SETD1A: variants seen among roughly 807,000 people sequenced by gnomAD.
SETD1A encodes SET domain containing 1A, histone lysine methyltransferase.
A neutral mutation model predicts 149.9 loss-of-function variants in SETD1A; 29 were observed. The ratio of observed to expected loss-of-function variants is 0.19; its 90% CI spans 0.14 to 0.26. The LOEUF is 0.26. SETD1A is among the 10% of genes least tolerant of loss of function. SETD1A has a pLI of 1.00. For missense variants in SETD1A, 2,109 were observed against 2,353.1 expected (o/e 0.90, Z 2.15); for synonymous variants, 1,141 against 968.5 (o/e 1.18, Z -3.31).
chr16:30,973,631 G>A (rs1009267842), intron 13 of SETD1A, among the ~76,000 whole-genome samples: 1 of 152,118 alleles, frequency 6.6e-6, no homozygotes, highest in African/African-American at 2.4e-5. Context: ...TTCCAGCCTG[G>A]GCAACAGAGT....
At position 30,983,595 on chromosome 16, in the gene SETD1A, T is replaced by A; in HGVS notation, c.4813-40T>A. The A allele has an allele frequency of 6.3e-7, 1 of 1,593,942 alleles. No homozygotes were observed. Among genetic ancestry groups the A allele is most frequent in the Non-Finnish European group, 8.5e-7 (1 of 1,172,420 alleles). Reference sequence around the variant, plus strand: ...GGCAGGCGTGCTCAGGGGCAGGAAGTGGGGGACTCTTCCCTGACCATCGCA... The same window carrying A: ...GGCAGGCGTGCTCAGGGGCAGGAAGAGGGGGACTCTTCCCTGACCATCGCA... On this transcript the variant is annotated intron_variant, in intron 17 of 18. Coordinates refer to ENST00000262519, the MANE Select transcript of SETD1A (RefSeq NM_014712.3). The surrounding 1 kb of genome is among the most constrained non-coding windows in gnomAD (Gnocchi z 6.8).
In SETD1A at chr16:30,969,587, G is replaced by GT; in HGVS notation, c.2929-14dup. 1 of 1,613,240 alleles carries GT rather than the reference G, an allele frequency of 6.2e-7. No homozygotes were observed. The highest frequency in any genetic ancestry group is 8.5e-7 in the Non-Finnish European group (1 of 1,179,246). ...GTCCCCTTCCTGTTAGTCCTCATTT[G>GT]TCTTTTTTCTTAAGGATGAGGAGGA... On this transcript the variant is annotated splice_polypyrimidine_tract_variant and intron_variant, in intron 11 of 18. Coordinates refer to ENST00000262519, the MANE Select transcript of SETD1A (RefSeq NM_014712.3).
chr16:30,974,694 C>T (rs1285855957), intron 13 of SETD1A, among the ~76,000 whole-genome samples: 1 of 152,066 alleles, frequency 6.6e-6, no homozygotes, highest in African/African-American at 2.4e-5. Context: ...GAAGGGTGGA[C>T]CACTCTTGCT....
chr16:30,982,934 T>C (rs1198856482), intron 17 of SETD1A, among the ~76,000 whole-genome samples: 7 of 151,880 alleles, frequency 4.6e-5, no homozygotes, highest in African/African-American at 1.2e-4. Flanking sequence ...AGAACAAATA[T>C]ATGGTCAAGA....
In SETD1A at chr16:30,984,091, C is replaced by T; in HGVS notation, c.*68C>T. ...GGTGCCCTGAGCTCCCAGCACCCCC[C>T]CAGCCTTAGTGGGCTCAGCAGGGCC... is the stretch of plus-strand genomic sequence containing the variant. On this transcript the variant is annotated 3_prime_UTR_variant, in exon 19 of 19. Coordinates refer to ENST00000262519, the MANE Select transcript of SETD1A (RefSeq NM_014712.3). 5.5e-6 allele frequency: 8 copies of T among 1,467,430 alleles called. No individual in the cohort carries two copies. The highest frequency in any genetic ancestry group is 1.4e-5 in the African/African-American group (1 of 71,796). 90.9% of individuals were successfully genotyped at this position (1,467,430 alleles called of 1,614,324 possible).
In SETD1A at chr16:30,979,871, A is replaced by G. The variant is rs1188169233; in HGVS notation, c.4085A>G (p.Glu1362Gly). ...QQLQQQREEG[E>G]EEGEEEGEEE... ...CTGCAGCAGCAGCGGGAGGAGGGCG[A>G]AGAGGAGGGGGAGGAAGAGGGGGAG... Residue 1362 changes from glutamate to glycine, a missense_variant, in exon 14 of 19, where the codon GAA becomes GGA. Coordinates refer to ENST00000262519, the MANE Select transcript of SETD1A (RefSeq NM_014712.3). The G allele has an allele frequency of 4.6e-6, 7 of 1,537,466 alleles. No individual in the cohort carries two copies. In the Admixed American group the frequency reaches 5.9e-5, roughly 13 times the overall value.
intron 10 of SETD1A, among the ~76,000 whole-genome samples, chr16:30,968,448 A>G (rs998537575): frequency 6.0e-5 from 9 of 150,378 alleles, no homozygotes; most frequent in African/African-American, 2.0e-4. Flanking sequence ...ACACACACAT[A>G]TGTATATACA....
At position 30,971,647 on chromosome 16, in the gene SETD1A, G is replaced by A. The variant is rs1019618424; in HGVS notation, c.3286G>A (p.Val1096Met). ...CACGCCAGCACCTGTGGAGGTGCCA[G>A]TGCCGGAAAGGGTTGCAGGCTCCCC... The part of the protein sequence containing the change: ...VPTPAPVEVP[V>M]PERVAGSPVT... Residue 1096 changes from valine to methionine, a missense_variant, in exon 13 of 19, where the codon GTG becomes ATG. Coordinates refer to ENST00000262519, the MANE Select transcript of SETD1A (RefSeq NM_014712.3). 5 of 1,611,432 alleles carry A rather than the reference G, an allele frequency of 3.1e-6. No individual in the cohort carries two copies. Among genetic ancestry groups the A allele is most frequent in the Non-Finnish European group, 4.2e-6 (5 of 1,178,132 alleles).
At chr16:30,959,565 C>T (rs757410582) in intron 3 of SETD1A, among the ~76,000 whole-genome samples, 3 of 152,130 alleles carry the variant, frequency 2.0e-5, no homozygotes, top group African/African-American at 4.8e-5. Flanking sequence ...CACTATTCCC[C>T]GCCTCTCATT....
Position 30,965,636 on chromosome 16 carries a change from C to A in SETD1A, c.1755C>A (p.Ile585=). Residue 585 remains isoleucine, a synonymous_variant, in exon 8 of 19, where the codon ATC becomes ATA. Coordinates refer to ENST00000262519, the MANE Select transcript of SETD1A (RefSeq NM_014712.3). ...GCTCTTCTGGAGACGACATGGAGAT[C>A]TCCGACGACGACCGGGGTGGCTCAC... ...SPCSSGDDME[I]SDDDRGGSPP... is the part of the protein sequence containing the mutation. 2 of 1,611,628 alleles carry A rather than the reference C, an allele frequency of 1.2e-6. No homozygotes were observed. The highest frequency in any genetic ancestry group is 2.2e-5 in the South Asian group (2 of 90,924).
chr16:30,969,815 C>A, intron 12 of SETD1A, 126 bp downstream of exon 12: 1 of 753,246 alleles, frequency 1.3e-6, no homozygotes, highest in Non-Finnish European at 2.3e-6. Flanking sequence ...TCTGCAAGGG[C>A]ATCTGTTTGG....
chr16:30,971,457 C>T lies in SETD1A; in HGVS notation c.3096C>T (p.Asp1032=), dbSNP rs138529404. Residue 1032 remains aspartate, a synonymous_variant, in exon 13 of 19, where the codon GAC becomes GAT. Coordinates refer to ENST00000262519, the MANE Select transcript of SETD1A (RefSeq NM_014712.3). The stretch of plus-strand genomic sequence containing the variant: ...ATGGCGAAAATGACAGCACATCAGA[C>T]TCCGAGAGCAGCAGCTCTTCCAGCT... The part of the protein sequence containing the change: ...DSDGENDSTS[D]SESSSSSSSS... 6.2e-7 allele frequency: 1 copy of T among 1,613,872 alleles called. No homozygotes were observed. The highest frequency in any genetic ancestry group is 1.3e-5 in the African/African-American group (1 of 74,926).
At position 30,966,238 on chromosome 16, in the gene SETD1A, C is replaced by T. The variant is rs370229451; in HGVS notation, c.2357C>T (p.Pro786Leu). The T allele has an allele frequency of 2.0e-5, 32 of 1,613,596 alleles. No homozygotes were observed. The highest frequency in any genetic ancestry group is 8.0e-5 in the African/African-American group (6 of 74,940). ...GAGCTGGCAGAGGGCAAGACCCTCC[C>T]GACAGCAGGCACCGTGGGCCGTGTG... ...EAELAEGKTL[P>L]TAGTVGRVLA... The change falls in exon 8 of 19, where the codon CCG becomes CTG. Residue 786 changes from proline (P) to leucine (L), a missense_variant. Coordinates refer to ENST00000262519, the MANE Select transcript of SETD1A (RefSeq NM_014712.3).
In SETD1A at chr16:30,964,293, C is replaced by G; in HGVS notation, c.839C>G (p.Pro280Arg). ...GTPYTSRGST[P>R]YSQDSAYSSS... Reference sequence around the variant, plus strand: ...CCCTACACGTCTCGGGGCAGCACCCCCTACTCTCAGGACTCTGCCTACTCC... The same window carrying G: ...CCCTACACGTCTCGGGGCAGCACCCGCTACTCTCAGGACTCTGCCTACTCC... Residue 280 changes from proline (P) to arginine (R), a missense_variant, in exon 6 of 19, where the codon CCC becomes CGC. This residue lies in a region of SETD1A where 410 missense variants were observed against 394.8 expected (regional missense o/e 1.04). Transcript: ENST00000262519. 1 of 1,613,924 alleles carries G rather than the reference C, an allele frequency of 6.2e-7. No homozygotes were observed. The highest frequency in any genetic ancestry group is 8.5e-7 in the Non-Finnish European group (1 of 1,179,882).
At position 30,971,599 on chromosome 16, in the gene SETD1A, C is replaced by T; in HGVS notation, c.3238C>T (p.Pro1080Ser). 7 of 1,613,832 alleles carry T rather than the reference C, an allele frequency of 4.3e-6. No individual in the cohort carries two copies. The highest frequency in any genetic ancestry group is 5.1e-6 in the Non-Finnish European group (6 of 1,179,944). The change falls in exon 13 of 19, where the codon CCC becomes TCC. Residue 1080 changes from proline (P) to serine (S), a missense_variant. This residue lies in a region of SETD1A where 832 missense variants were observed against 815.6 expected (regional missense o/e 1.02). Transcript: ENST00000262519. Reference sequence around the variant, plus strand: ...AGCAGCCCTTCCCTCAGCCTCCCCGCCCCCCAGAGAAGTCCCAGTGCCCAC... The same window carrying T: ...AGCAGCCCTTCCCTCAGCCTCCCCGTCCCCCAGAGAAGTCCCAGTGCCCAC... ...RPAALPSASP[P>S]PREVPVPTPA...
At chr16:30,959,846 T>A (rs1596668919) in intron 3 of SETD1A, among the ~76,000 whole-genome samples, 2 of 152,116 alleles carry the variant, frequency 1.3e-5, no homozygotes, top group East Asian at 3.8e-4. Flanking sequence ...CTTCCAAGTA[T>A]CTGTTTCCAG....
At chr16:30,958,379 T>A (rs1248418750) in intron 1 of SETD1A, 9 of 148,042 alleles carry the variant, frequency 6.1e-5, no homozygotes, top group Admixed American at 3.3e-4. Flanking sequence ...CCCGGGCCGC[T>A]GGCCGGTGAG....
At chr16:30,959,216 AG>A (rs766651596) in intron 3 of SETD1A, 30 bp downstream of exon 3, 3 of 1,388,694 alleles carry the variant, frequency 2.2e-6, no homozygotes, top group Non-Finnish European at 3.1e-6. Context: ...CTGGTGTGGT[AG>A]TCCTAAGAGG....
At chr16:30,967,110 G>GC (rs2056159189) in intron 9 of SETD1A, 50 bp downstream of exon 9, 2 of 1,425,778 alleles carry the variant, frequency 1.4e-6, no homozygotes, top group Non-Finnish European at 9.4e-7. Flanking sequence ...GGGAGAGGGG[G>GC]CCCCCTTCCT....
Sources: gnomAD v4.1 joint callset for allele counts (sites outside exome capture counted in the v4.1 genomes callset) on GRCh38, gnomAD v4.1.1 for gene constraint, gnomAD v4.1.1 regional missense constraint, Gnocchi (gnomAD v3.1) non-coding constraint, MANE v1.5 for transcripts, NCBI Gene and HGNC (gene_info 2026-07-23, HGNC 2026-07-21) for gene names.